NCAM1: variants seen among roughly 807,000 people sequenced by gnomAD.
NCAM1 encodes the protein antigen recognized by monoclonal antibody 5.1H11.
NCAM1 carries 14 observed loss-of-function variants against 109.8 expected under a neutral mutation model. The ratio of observed to expected loss-of-function variants is 0.13; its 90% CI spans 0.08 to 0.20. The LOEUF is 0.20. NCAM1 is among the 10% of genes least tolerant of loss of function. The pLI, the probability that NCAM1 is intolerant of heterozygous loss-of-function variation, is 1.00. For missense variants in NCAM1, 774 were observed against 1,109.9 expected (o/e 0.70, Z 4.30); for synonymous variants, 418 against 442.9 (o/e 0.94, Z 0.70).
At chr11:113,159,919 T>C (rs909567867) in intron 1 of NCAM1, among the ~76,000 whole-genome samples, 8 of 139,238 alleles carry the variant, frequency 5.7e-5, no homozygotes, top group African/African-American at 1.9e-4. Context: ...AAAGTGAGAA[T>C]GTAGTTGTAG....
chr11:113,116,258 ACTAT>A (rs1940703909), intron 1 of NCAM1, among the ~76,000 whole-genome samples: 2 of 152,234 alleles, frequency 1.3e-5, no homozygotes, highest in Non-Finnish European at 2.9e-5. Flanking sequence ...TTGCTTGAGT[ACTAT>A]CTATTTTTCA....
At position 113,232,195 on chromosome 11, in the gene NCAM1, G is replaced by A; in HGVS notation, c.1266G>A (p.Val422=). The A allele has an allele frequency of 6.2e-7, 1 of 1,609,378 alleles. No homozygotes were observed. Among genetic ancestry groups the A allele is most frequent in the Non-Finnish European group, 8.5e-7 (1 of 1,178,082 alleles). Residue 422 remains valine, a synonymous_variant, in exon 11 of 20, where the codon GTG becomes GTA. Transcript: ENST00000316851. ...VQYAPKLQGP[V]AVYTWEGNQV... ...ATGCCCCAAAGCTACAGGGCCCTGT[G>A]GCTGTGTACACTTGGGAGGGGAACC...
chr11:113,060,637 C>T (rs781812506), intron 1 of NCAM1, among the ~76,000 whole-genome samples: 8 of 152,234 alleles, frequency 5.3e-5, no homozygotes, highest in African/African-American at 1.4e-4. Flanking sequence ...ATGGGAGATT[C>T]GGAAGGTTTC....
intron 1 of NCAM1, chr11:113,134,008 T>C (rs782454612): frequency 1.3e-5 from 2 of 152,062 alleles, no homozygotes; most frequent in African/African-American, 2.4e-5. Flanking sequence ...ACATATAAAA[T>C]TGACCATGTT....
chr11:113,064,378 A>G (rs1937844131), intron 1 of NCAM1, among the ~76,000 whole-genome samples: 1 of 152,240 alleles, frequency 6.6e-6, no homozygotes, highest in Admixed American at 6.5e-5. Context: ...CTTGGGGTAA[A>G]AGAATACATC....
chr11:113,089,172 G>A (rs1369125593), intron 1 of NCAM1, among the ~76,000 whole-genome samples: 1 of 152,108 alleles, frequency 6.6e-6, no homozygotes, highest in Non-Finnish European at 1.5e-5. Flanking sequence ...AATTAGCTGG[G>A]TGTGGTGGCT....
intron 5 of NCAM1, among the ~76,000 whole-genome samples, chr11:113,206,619 A>G (rs1433746165): frequency 1.3e-5 from 2 of 152,228 alleles, no homozygotes; most frequent in Non-Finnish European, 2.9e-5. Flanking sequence ...AAACACACCC[A>G]TGGAATTGAT....
In NCAM1 at chr11:113,162,117, G is replaced by C. The variant is rs182844596; in HGVS notation, c.53-40262G>C. On this transcript the variant is annotated intron_variant, in intron 1 of 19. Coordinates refer to ENST00000316851, the MANE Select transcript of NCAM1 (RefSeq NM_181351.5). ...TCTGTATAATCTGTAATTTTGAGTTGTAGTTCCTTGGGGGGAGGAGCAGCC... is the reference window on the plus strand; with the variant it reads ...TCTGTATAATCTGTAATTTTGAGTTCTAGTTCCTTGGGGGGAGGAGCAGCC... Among the ~76,000 whole-genome samples, 82 of 152,332 alleles carry C rather than the reference G, an allele frequency of 5.4e-4. 1 individual carries two copies. The highest frequency in any genetic ancestry group is 3.4e-3 in the Middle Eastern group (1 of 294).
intron 1 of NCAM1, among the ~76,000 whole-genome samples, chr11:113,184,976 A>G (rs1943454794): frequency 1.3e-5 from 2 of 151,586 alleles, no homozygotes; most frequent in South Asian, 4.2e-4. Flanking sequence ...TCTCCAGAGA[A>G]AGAGAACCAA....
intron 2 of NCAM1, 52 bp from the exon 3 acceptor site, chr11:113,204,234 C>A: frequency 6.9e-7 from 1 of 1,459,122 alleles, no homozygotes; most frequent in Non-Finnish European, 9.4e-7. Flanking sequence ...CTGGAGGGGA[C>A]TTATTAGTCT....
At chr11:113,013,505 G>C (rs1952128304) in intron 1 of NCAM1, among the ~76,000 whole-genome samples, 1 of 151,318 alleles carries the variant, frequency 6.6e-6, no homozygotes, top group Non-Finnish European at 1.5e-5. Flanking sequence ...TTTTTCCTCT[G>C]AACATTGTTA....
At chr11:113,155,701 T>G (rs1201355525) in intron 1 of NCAM1, among the ~76,000 whole-genome samples, 2 of 152,038 alleles carry the variant, frequency 1.3e-5, no homozygotes, top group East Asian at 3.9e-4. Context: ...AGTTGCCCAG[T>G]TATATGTCCT....
At chr11:113,191,849 C>A (rs1943688504) in intron 1 of NCAM1, among the ~76,000 whole-genome samples, 1 of 151,972 alleles carries the variant, frequency 6.6e-6, no homozygotes, top group Non-Finnish European at 1.5e-5. Flanking sequence ...ATTCTTTGCA[C>A]TGGTTGTTGG....
intron 1 of NCAM1, among the ~76,000 whole-genome samples, chr11:113,193,462 A>G (rs750570471): frequency 2.8e-4 from 43 of 152,168 alleles, no homozygotes; most frequent in Non-Finnish European, 5.9e-4. Context: ...CCTGGTGAAC[A>G]TGGTGAAACC....
At chr11:113,249,161 G>A (rs563157248) in intron 15 of NCAM1, among the ~76,000 whole-genome samples, 3 of 152,290 alleles carry the variant, frequency 2.0e-5, no homozygotes, top group African/African-American at 4.8e-5. Context: ...CGCTGATTCT[G>A]ATGAGCTAAG....
At chr11:113,150,687 C>T (rs1451217700) in intron 1 of NCAM1, among the ~76,000 whole-genome samples, 1 of 152,138 alleles carries the variant, frequency 6.6e-6, no homozygotes, top group Non-Finnish European at 1.5e-5. Flanking sequence ...TGTTCCCAAA[C>T]TGTTGGGCAG....
At chr11:113,059,264 C>T (rs192304351) in intron 1 of NCAM1, among the ~76,000 whole-genome samples, 24 of 152,324 alleles carry the variant, frequency 1.6e-4, no homozygotes, top group African/African-American at 5.8e-4. Context: ...GGATCTAACA[C>T]CCTTCCAAAG....
chr11:113,004,426 AG>A (rs1951839948), intron 1 of NCAM1, among the ~76,000 whole-genome samples: 1 of 152,042 alleles, frequency 6.6e-6, no homozygotes, highest in South Asian at 2.1e-4. Flanking sequence ...CGGGAGGCGG[AG>A]GTTGCAGTGA....
rs188213056 is a variant in NCAM1 at position 113,170,766 on chromosome 11, C to G, written c.53-31613C>G. Among the ~76,000 whole-genome samples, 5 of 152,228 alleles carry G rather than the reference C, an allele frequency of 3.3e-5. No homozygotes were observed. The East Asian group carries it at 9.6e-4, about 29-fold the overall frequency. On this transcript the variant is annotated intron_variant, in intron 1 of 19. Transcript: ENST00000316851. ...AAAAAGGTGTTTCTCTTTCATACTA[C>G]ATGGAATAGACATTGGGAGTCATGA...
Sources: gnomAD v4.1 joint callset for allele counts (sites outside exome capture counted in the v4.1 genomes callset) on GRCh38, gnomAD v4.1.1 for gene constraint, MANE v1.5 for transcripts, NCBI Gene and HGNC (gene_info 2026-07-23, HGNC 2026-07-21) for gene names.